The following HS6ST3 variants were observed in gnomAD, a reference collection of about 807,000 sequenced individuals.
HS6ST3 encodes heparan sulfate 6-O-sulfotransferase 3, also known as heparan-sulfate 6-O-sulfotransferase 3.
In HS6ST3, 12 loss-of-function variants were observed where a neutral mutation model predicts 36.7. The observed-to-expected ratio is 0.33, with a 90% CI of 0.21 to 0.53. The LOEUF (loss-of-function observed/expected upper bound fraction) is 0.53. Ranked by LOEUF, HS6ST3 falls within the 20% of genes least tolerant of loss-of-function variation. The pLI is 0.95. For missense variants in HS6ST3, 584 were observed against 640.9 expected (o/e 0.91, Z 0.96); for synonymous variants, 240 against 257.5 (o/e 0.93, Z 0.65).
chr13:96,657,051 G>A (rs942017722), intron 1 of HS6ST3, among the ~76,000 whole-genome samples: 3 of 149,994 alleles, frequency 2.0e-5, no homozygotes, highest in Admixed American at 6.7e-5. Context: ...ATGTGCACAT[G>A]TGTCTTACCC....
At chr13:96,415,780 A>C (rs1330157909) in intron 1 of HS6ST3, among the ~76,000 whole-genome samples, 1 of 152,220 alleles carries the variant, frequency 6.6e-6, no homozygotes, top group Non-Finnish European at 1.5e-5. Flanking sequence ...CAATAAGCAA[A>C]GAACGTATTT....
chr13:96,657,243 C>A (rs533097461), intron 1 of HS6ST3, among the ~76,000 whole-genome samples: 2 of 152,052 alleles, frequency 1.3e-5, no homozygotes, highest in Non-Finnish European at 2.9e-5. Context: ...TATTGTCTTA[C>A]CAACCTAGAA....
intron 1 of HS6ST3, among the ~76,000 whole-genome samples, chr13:96,216,922 T>C (rs2139360425): frequency 6.6e-6 from 1 of 152,324 alleles, no homozygotes; most frequent in East Asian, 1.9e-4. Flanking sequence ...CGCTTTTCTG[T>C]CGCTGCATGC....
intron 1 of HS6ST3, among the ~76,000 whole-genome samples, chr13:96,139,295 A>G (rs2054017708): frequency 6.6e-6 from 1 of 152,088 alleles, no homozygotes; most frequent in African/African-American, 2.4e-5. Context: ...GCCTTCTGGA[A>G]CTGAACTGAA....
intron 1 of HS6ST3, among the ~76,000 whole-genome samples, chr13:96,261,508 T>C (rs760799751): frequency 1.3e-5 from 2 of 152,100 alleles, no homozygotes; most frequent in African/African-American, 2.4e-5. Context: ...ATTTTCAGTA[T>C]TAAATATGCA....
At chr13:96,344,559 G>C (rs1164610283) in intron 1 of HS6ST3, among the ~76,000 whole-genome samples, 2 of 152,128 alleles carry the variant, frequency 1.3e-5, no homozygotes, top group African/African-American at 4.8e-5. Context: ...GCTACTGATT[G>C]GTCATTTTTT....
chr13:96,617,733 C>T (rs966352235), intron 1 of HS6ST3, among the ~76,000 whole-genome samples: 30 of 152,204 alleles, frequency 2.0e-4, no homozygotes, highest in African/African-American at 7.0e-4. Flanking sequence ...TATCAATCAA[C>T]ATCACCTGGG....
intron 1 of HS6ST3, among the ~76,000 whole-genome samples, chr13:96,500,978 A>G (rs1048311753): frequency 2.6e-5 from 4 of 152,126 alleles, no homozygotes; most frequent in African/African-American, 9.7e-5. Flanking sequence ...GGCAATCTCA[A>G]GCTCTCTCTC....
At chr13:96,677,078 T>A (rs985946433) in intron 1 of HS6ST3, among the ~76,000 whole-genome samples, 6 of 152,036 alleles carry the variant, frequency 3.9e-5, no homozygotes, top group African/African-American at 1.2e-4. Flanking sequence ...TCTCTATGAG[T>A]GGTTGGGGAA....
chr13:96,487,616 G>A (rs1315516691), intron 1 of HS6ST3, among the ~76,000 whole-genome samples: 1 of 152,000 alleles, frequency 6.6e-6, no homozygotes, highest in Non-Finnish European at 1.5e-5. Context: ...CACATTCATG[G>A]AGAATATTAT....
chr13:96,778,564 G>T (rs939330969), intron 1 of HS6ST3, among the ~76,000 whole-genome samples: 5 of 151,842 alleles, frequency 3.3e-5, no homozygotes, highest in Non-Finnish European at 7.4e-5. Flanking sequence ...ACAAACATTT[G>T]AAAAAAAATC....
chr13:96,582,319 G>T (rs747512855), intron 1 of HS6ST3, among the ~76,000 whole-genome samples: 9 of 127,710 alleles, frequency 7.0e-5, no homozygotes, highest in Non-Finnish European at 1.0e-4. Flanking sequence ...TGAGAAATTA[G>T]CAGGAATCAG....
chr13:96,202,233 C>T (rs895874806), intron 1 of HS6ST3, among the ~76,000 whole-genome samples: 2 of 152,116 alleles, frequency 1.3e-5, no homozygotes, highest in Non-Finnish European at 2.9e-5. Context: ...ATTTTAATGC[C>T]TTGATGCCCT....
chr13:96,805,330 T>TTC lies in HS6ST3; in HGVS notation c.708-27149_708-27148dup, dbSNP rs902222240. On this transcript the variant is annotated intron_variant, in intron 1 of 1. Coordinates refer to ENST00000376705, the MANE Select transcript of HS6ST3 (RefSeq NM_153456.4). ...TATGTGGCACTTCCCCCTTTGCTCATTCTCTCTCTCTCCTTCCACCGTGTA... is the reference window on the plus strand; with the variant it reads ...TATGTGGCACTTCCCCCTTTGCTCATTCTCTCTCTCTCTCCTTCCACCGTGTA... Among the ~76,000 whole-genome samples, 11 of 152,206 alleles carry TTC rather than the reference T, an allele frequency of 7.2e-5. No individual in the cohort carries two copies. The South Asian group carries it at 1.2e-3, about 17-fold the overall frequency.
chr13:96,705,674 T>C (rs1875401322), intron 1 of HS6ST3, among the ~76,000 whole-genome samples: 2 of 152,176 alleles, frequency 1.3e-5, no homozygotes, highest in Non-Finnish European at 2.9e-5. Flanking sequence ...AAGGGCTGCT[T>C]TGTGCATTCC....
At chr13:96,128,025 T>C (rs1039470679) in intron 1 of HS6ST3, among the ~76,000 whole-genome samples, 6 of 152,324 alleles carry the variant, frequency 3.9e-5, no homozygotes, top group Non-Finnish European at 4.4e-5. Flanking sequence ...GTGATTGGAA[T>C]GGGGCTTGGG....
chr13:96,399,393 G>A (rs555867480), intron 1 of HS6ST3, among the ~76,000 whole-genome samples: 3 of 152,226 alleles, frequency 2.0e-5, no homozygotes, highest in South Asian at 2.1e-4. Context: ...CACATATGAC[G>A]TGTCTGTAAC....
chr13:96,471,902 G>A (rs2055841920), intron 1 of HS6ST3, among the ~76,000 whole-genome samples: 1 of 152,168 alleles, frequency 6.6e-6, no homozygotes, highest in Admixed American at 6.5e-5. Flanking sequence ...TGGGTATGTA[G>A]GAGCTGAGGT....
chr13:96,090,876 TCAA>T lies in HS6ST3; in HGVS notation c.18_20del (p.Asn6del). 1.3e-6 allele frequency: 2 copies of T among 1,511,994 alleles called. No individual in the cohort carries two copies. The highest frequency in any genetic ancestry group is 1.8e-6 in the Non-Finnish European group (2 of 1,124,836). 93.7% of individuals were successfully genotyped at this position (1,511,994 alleles called of 1,614,324 possible). ...GAGAGCGGGACCATGGATGAAAGGT[TCAA>T]CAAGTGGCTGCTGACGCCGGTGCTC... On this transcript the variant is annotated inframe_deletion, in exon 1 of 2. Coordinates refer to ENST00000376705, the MANE Select transcript of HS6ST3 (RefSeq NM_153456.4).
Sources: allele counts gnomAD v4.1 joint callset (sites outside exome capture counted in the v4.1 genomes callset), GRCh38; gene constraint gnomAD v4.1.1; transcripts MANE v1.5; gene names NCBI Gene and HGNC (gene_info 2026-07-23, HGNC 2026-07-21).